Variants in NUP214 observed in about 807,000 individuals in gnomAD.
The protein encoded by NUP214 is nucleoporin 214, also known as nuclear pore complex protein Nup214.
In NUP214, 79 loss-of-function variants were observed where a neutral mutation model predicts 196.2. That is an observed-to-expected ratio of 0.40 (90% CI 0.34 to 0.49). The LOEUF (loss-of-function observed/expected upper bound fraction) is 0.49. Among genes scored for constraint, NUP214 ranks in the 20% least tolerant of loss-of-function variants. The pLI, the probability that NUP214 is intolerant of heterozygous loss-of-function variation, is 0.58. For synonymous variants in NUP214, 1,020 were observed against 990.5 expected (o/e 1.03, Z -0.56); for missense variants, 2,468 against 2,539.0 (o/e 0.97, Z 0.60).
In NUP214 at chr9:131,129,296, C is replaced by T. The variant is rs1342782239; in HGVS notation, c.411C>T (p.Arg137=). The T allele has an allele frequency of 6.2e-7, 1 of 1,614,114 alleles. No homozygotes were observed. The highest frequency in any genetic ancestry group is 8.5e-7 in the Non-Finnish European group (1 of 1,180,000). Residue 137 remains arginine, a synonymous_variant, in exon 4 of 36, where the codon CGC becomes CGT. Transcript: ENST00000359428. ...TFSNEAKQQK[R]PFAYHKLLKD... Reference sequence around the variant, plus strand: ...TTTAAAAGGCTAAACAGCAAAAACGCCCATTTGCCTATCATAAGCTTTTGA... The same window carrying T: ...TTTAAAAGGCTAAACAGCAAAAACGTCCATTTGCCTATCATAAGCTTTTGA...
intron 30 of NUP214, among the ~76,000 whole-genome samples, chr9:131,212,426 A>C (rs751096355): frequency 1.3e-5 from 2 of 151,964 alleles, no homozygotes; most frequent in Non-Finnish European, 2.9e-5. Flanking sequence ...ATAATAACTT[A>C]CTGGTTTTGT....
In NUP214 at chr9:131,144,464, T is replaced by C. The variant is rs772993960; in HGVS notation, c.1479T>C (p.Ala493=). ...SFGSSSLKSS[A]TVTGEPPSYS... is the part of the protein sequence containing the mutation. ...GTTCTTCATCTTTGAAGTCATCTGC[T>C]ACGGTCACTGGGGAGCCCCCTTCAT... Residue 493 remains alanine (A), a synonymous_variant, in exon 12 of 36, where the codon GCT becomes GCC. Transcript: ENST00000359428. The C allele has an allele frequency of 2.5e-6, 4 of 1,614,186 alleles. No individual in the cohort carries two copies. The highest frequency in any genetic ancestry group is 2.2e-5 in the East Asian group (1 of 44,886).
chr9:131,225,259 T>A lies in NUP214; in HGVS notation c.5902+2329T>A, dbSNP rs118078521. ...AAAAACCCGTCTCTACAAAAAAAAA[T>A]AATGCAAAAATAAGCCAGGCACGTT... On this transcript the variant is annotated intron_variant, in intron 32 of 35. Transcript: ENST00000359428. Among the ~76,000 whole-genome samples, 758 of 150,826 alleles carry A rather than the reference T, an allele frequency of 5.0e-3. 3 individuals are homozygous for A. Among genetic ancestry groups the A allele is most frequent in the Middle Eastern group, 0.014 (4 of 286 alleles).
chr9:131,227,198 G>T (rs1300174891), intron 32 of NUP214, among the ~76,000 whole-genome samples: 1 of 152,234 alleles, frequency 6.6e-6, no homozygotes, highest in Non-Finnish European at 1.5e-5. Flanking sequence ...AGGAGAGGAT[G>T]TTTTGTCTTC....
chr9:131,157,818 G>A (rs1167280645), intron 17 of NUP214, among the ~76,000 whole-genome samples: 3 of 152,010 alleles, frequency 2.0e-5, no homozygotes, highest in East Asian at 2.0e-4. Flanking sequence ...GGTAATTCTT[G>A]TATTTTTAGT....
chr9:131,220,559 G>C (rs1834531241), intron 31 of NUP214, among the ~76,000 whole-genome samples: 2 of 152,242 alleles, frequency 1.3e-5, no homozygotes, highest in African/African-American at 4.8e-5. Flanking sequence ...GTGTGATTGA[G>C]ATGTGGAAGG....
chr9:131,225,151 G>A (rs762328792), intron 32 of NUP214, among the ~76,000 whole-genome samples: 2 of 151,988 alleles, frequency 1.3e-5, no homozygotes, highest in African/African-American at 2.4e-5. Flanking sequence ...AGTGGCTCAC[G>A]CCTGTAATCC....
At position 131,187,707 on chromosome 9, in the gene NUP214, C is replaced by G. The variant is rs140093833; in HGVS notation, c.3495+343C>G. 2.2e-3 allele frequency among the ~76,000 whole-genome samples: 328 copies of G among 152,262 alleles called. 1 individual carries two copies. Among genetic ancestry groups the G allele is most frequent in the African/African-American group, 7.6e-3 (316 of 41,546 alleles). ...CGGCCTGAGTTTTACTTTTAACATT[C>G]ATGCCGTGTCTGTCTTTGTAAGTGA... On this transcript the variant is annotated intron_variant, in intron 25 of 35. Transcript: ENST00000359428.
At chr9:131,213,601 A>G (rs994664526) in intron 30 of NUP214, among the ~76,000 whole-genome samples, 19 of 152,230 alleles carry the variant, frequency 1.2e-4, no homozygotes, top group African/African-American at 4.3e-4. Flanking sequence ...TAAGCAGTCA[A>G]ATACCTTCCA....
At chr9:131,170,335 A>T (rs1832920959) in intron 21 of NUP214, among the ~76,000 whole-genome samples, 1 of 152,038 alleles carries the variant, frequency 6.6e-6, no homozygotes, top group Admixed American at 6.6e-5. Context: ...TTGGGGGAGG[A>T]ATTTTGCCTT....
At chr9:131,230,572 A>C in intron 33 of NUP214, 58 bp from the exon 34 acceptor site, 3 of 1,604,650 alleles carry the variant, frequency 1.9e-6, no homozygotes, top group Non-Finnish European at 2.6e-6. Context: ...TGAGGCTTGC[A>C]GATGGGCAAG....
intron 3 of NUP214, among the ~76,000 whole-genome samples, 178 bp from the exon 4 acceptor site, chr9:131,129,101 G>C (rs1831449772): frequency 6.6e-6 from 1 of 152,152 alleles, no homozygotes; most frequent in South Asian, 2.1e-4. Flanking sequence ...TTTCAAAGTT[G>C]TGTTGAAATT....
Position 131,198,124 on chromosome 9 carries a change from G to A in NUP214, c.4630G>A (p.Ala1544Thr). The A allele has an allele frequency of 6.2e-7, 1 of 1,614,140 alleles. No homozygotes were observed. The highest frequency in any genetic ancestry group is 8.5e-7 in the Non-Finnish European group (1 of 1,180,022). Residue 1544 changes from alanine (A) to threonine (T), a missense_variant, in exon 29 of 36, where the codon GCC (alanine) becomes ACC (threonine). Physicochemically the swap from Ala to Thr is moderately conservative, Grantham distance 58 (BLOSUM62 0). Coordinates refer to ENST00000359428, the MANE Select transcript of NUP214 (RefSeq NM_005085.4). ...CTCTGTTAAAAAAGAACCTGTTCTT[G>A]CCCAGCCTGCAGTCAGCAACTCTGG... The part of the protein sequence containing the change: ...SDSVKKEPVL[A>T]QPAVSNSGTA...
chr9:131,187,255 C>T (rs1045777627), intron 24 of NUP214, 34 bp from the exon 25 acceptor site: 1 of 1,586,148 alleles, frequency 6.3e-7, no homozygotes, highest in Non-Finnish European at 8.7e-7. Context: ...CTAGTCATGC[C>T]TTTCTCTGAG....
chr9:131,188,985 A>T, intron 25 of NUP214, 68 bp from the exon 26 acceptor site: 1 of 1,055,634 alleles, frequency 9.5e-7, no homozygotes, highest in Non-Finnish European at 1.5e-6. Context: ...TTTACATTTT[A>T]CATATTTCTT....
rs1464607540 is a variant in NUP214 at position 131,190,616 on chromosome 9, G to A, written c.3574+1485G>A. On this transcript the variant is annotated intron_variant, in intron 26 of 35. Coordinates refer to ENST00000359428, the MANE Select transcript of NUP214 (RefSeq NM_005085.4). ...CCTCTAGAGAATAGTTCTCTTATTA[G>A]TAATGGAAATACCTTCATTGTTTTT... 17 of 539,056 alleles carry A rather than the reference G, an allele frequency of 3.2e-5. 1 individual carries two copies. Among genetic ancestry groups the A allele is most frequent in the Non-Finnish European group, 5.5e-5 (17 of 309,502 alleles). The allele number at this position is 539,056 out of a possible 1,614,324, so 33.4% of individuals were successfully genotyped here.
chr9:131,190,195 G>T (rs1278459561), intron 26 of NUP214: 3 of 397,034 alleles, frequency 7.6e-6, no homozygotes, highest in Non-Finnish European at 1.3e-5. Context: ...TCTCGACCGG[G>T]GCCTAAAGCT....
intron 27 of NUP214, chr9:131,192,561 CT>C (rs2131033169): frequency 3.8e-6 from 1 of 261,542 alleles, no homozygotes; most frequent in South Asian, 7.7e-5. Context: ...AGTAATGAGT[CT>C]GCTAAATTCT....
intron 30 of NUP214, among the ~76,000 whole-genome samples, chr9:131,213,751 C>CTATTGT (rs1834312795): frequency 6.8e-6 from 1 of 147,646 alleles, no homozygotes; most frequent in African/African-American, 2.5e-5. Flanking sequence ...TGAATTGGTA[C>CTATTGT]TGTTGTTGTT....
Sources: allele counts gnomAD v4.1 joint callset (sites outside exome capture counted in the v4.1 genomes callset), GRCh38; gene constraint gnomAD v4.1.1; transcripts MANE v1.5; gene names NCBI Gene and HGNC (gene_info 2026-07-23, HGNC 2026-07-21).